EPB42: variants seen among roughly 807,000 people sequenced by gnomAD.
EPB42 encodes protein 4.2.
A neutral mutation model predicts 76.9 loss-of-function variants in EPB42; 49 were observed. That is an observed-to-expected ratio of 0.64 (90% confidence interval 0.51 to 0.81). The LOEUF (loss-of-function observed/expected upper bound fraction) is 0.81. Ranked by LOEUF, EPB42 falls within the 30% of genes least tolerant of loss-of-function variation. EPB42 has a pLI of 0.00. For missense variants in EPB42, 731 were observed against 867.6 expected (o/e 0.84, Z 1.98); for synonymous variants, 310 against 338.4 (o/e 0.92, Z 0.92).
At chr15:43,212,379 AAAAAAAAG>A (rs1476233488) in intron 3 of EPB42, among the ~76,000 whole-genome samples, 2 of 149,648 alleles carry the variant, frequency 1.3e-5, no homozygotes, top group Middle Eastern at 3.4e-3. Flanking sequence ...CAAAAAAAAA[AAAAAAAAG>A]AAAAAAGAAA....
chr15:43,208,822 C>A, intron 6 of EPB42, 47 bp from the exon 7 acceptor site: 1 of 1,599,264 alleles, frequency 6.3e-7, no homozygotes, highest in Admixed American at 1.7e-5. Flanking sequence ...AGAGACCGGG[C>A]TGGGGGCGTG....
chr15:43,205,785 T>TA (rs1468249698), intron 10 of EPB42, among the ~76,000 whole-genome samples: 1 of 152,120 alleles, frequency 6.6e-6, no homozygotes, highest in African/African-American at 2.4e-5. Flanking sequence ...CAGCAAAATT[T>TA]AAAAACAATT....
intron 7 of EPB42, 45 bp from the exon 8 acceptor site, chr15:43,208,378 T>C: frequency 6.3e-7 from 1 of 1,588,110 alleles, no homozygotes; most frequent in Non-Finnish European, 8.6e-7. Context: ...AGAAAACGAG[T>C]GCTGAAGAGG....
intron 8 of EPB42, among the ~76,000 whole-genome samples, chr15:43,207,996 C>G (rs568846295): frequency 1.6e-4 from 24 of 152,236 alleles, no homozygotes; most frequent in Non-Finnish European, 8.8e-5. Context: ...CCCTCACCCA[C>G]AGCTCTAAGG....
Position 43,209,215 on chromosome 15 carries a change from T to C in EPB42, c.832+59A>G, listed in dbSNP as rs1438613824. The C allele has an allele frequency of 7.5e-6, 12 of 1,596,260 alleles. 1 individual carries two copies. Among genetic ancestry groups the C allele is most frequent in the South Asian group, 3.3e-5 (3 of 90,694 alleles). On this transcript the variant is annotated intron_variant, in intron 6 of 12. Coordinates refer to ENST00000441366, the MANE Select transcript of EPB42 (RefSeq NM_001114134.2). ...TGCTTTTGGAGATGTCCTTCCCACA[T>C]GGGAGGCCAGGGAACAACCCAGGAG...
chr15:43,204,960 C>T (rs2042177374), intron 10 of EPB42, among the ~76,000 whole-genome samples: 1 of 68,420 alleles, frequency 1.5e-5, no homozygotes, highest in Non-Finnish European at 3.5e-5. Flanking sequence ...AGGCTGCCCC[C>T]TCCGCCCCCC....
chr15:43,208,504 C>T (rs2042240972), intron 7 of EPB42, 133 bp downstream of exon 7: 22 of 1,481,668 alleles, frequency 1.5e-5, no homozygotes, highest in South Asian at 1.3e-4. Flanking sequence ...TGACCATCAG[C>T]GCCGCCTCTA....
intron 5 of EPB42, 109 bp from the exon 6 acceptor site, chr15:43,209,560 C>T: frequency 1.6e-6 from 2 of 1,279,486 alleles, no homozygotes; most frequent in Non-Finnish European, 2.2e-6. Context: ...TGAACAGATC[C>T]CCAGCATTAG....
chr15:43,200,815 A>AC (rs1432615483), intron 12 of EPB42, among the ~76,000 whole-genome samples: 1 of 21,950 alleles, frequency 4.6e-5, no homozygotes, highest in African/African-American at 2.1e-4. Flanking sequence ...AGACTCCACC[A>AC]AATTTTTTTT....
chr15:43,205,250 G>C (rs1211167785), intron 10 of EPB42, among the ~76,000 whole-genome samples: 1 of 152,154 alleles, frequency 6.6e-6, no homozygotes, highest in East Asian at 1.9e-4. Flanking sequence ...CTTGGAAAGG[G>C]AAGAGTGATA....
chr15:43,218,451 C>T (rs1051589194), intron 1 of EPB42, among the ~76,000 whole-genome samples: 2 of 152,204 alleles, frequency 1.3e-5, no homozygotes, highest in Non-Finnish European at 2.9e-5. Flanking sequence ...CTGACTCCTC[C>T]TGGCAGAGGT....
intron 1 of EPB42, among the ~76,000 whole-genome samples, chr15:43,220,532 C>A (rs2042441299): frequency 6.6e-6 from 1 of 152,022 alleles, no homozygotes; most frequent in Admixed American, 6.6e-5. Context: ...CATGCTACCC[C>A]ATAACCACCC....
rs746199467 is a variant in EPB42 at position 43,197,355 on chromosome 15, T to G, written c.2023A>C (p.Asn675His). The part of the protein sequence containing the change: ...TVEVDCNMFQ[N>H]LTNYKSVTVV... ...GTGACGCTTTTATAGTTGGTTAGGT[T>G]CTGGAACATGTTGCAGTCCACTTCC... The change falls in exon 13 of 13, where the codon AAC (asparagine) becomes CAC (histidine). Residue 675 changes from asparagine (N) to histidine (H), a missense_variant. Physicochemically the swap from Asn to His is moderately conservative, Grantham distance 68. Transcript: ENST00000441366. 6 of 1,614,102 alleles carry G rather than the reference T, an allele frequency of 3.7e-6. No individual in the cohort carries two copies. Among genetic ancestry groups the G allele is most frequent in the African/African-American group, 1.3e-5 (1 of 74,934 alleles).
intron 3 of EPB42, among the ~76,000 whole-genome samples, chr15:43,213,738 T>C (rs571313050): frequency 6.6e-6 from 1 of 152,342 alleles, no homozygotes; most frequent in African/African-American, 2.4e-5. Flanking sequence ...GCCCTGCATC[T>C]ACATTCAACC....
In EPB42 at chr15:43,219,895, G is replaced by A. The variant is rs565972311; in HGVS notation, c.10+921C>T. On this transcript the variant is annotated intron_variant, in intron 1 of 12. Transcript: ENST00000441366. ...CAGGAGGCGGAGGTTGCAGTGAGCC[G>A]AGATTGCGCCACTGAACTCTAGCCT... 3.3e-5 allele frequency among the ~76,000 whole-genome samples: 5 copies of A among 150,970 alleles called. 1 individual carries two copies. The highest frequency in any genetic ancestry group is 1.2e-4 in the African/African-American group (5 of 41,030).
upstream of EPB42, chr15:43,221,043 G>C: frequency 1.7e-6 from 1 of 597,060 alleles, no homozygotes; most frequent in Non-Finnish European, 3.0e-6. Flanking sequence ...GGTATCTCCT[G>C]GACCAGTTAC....
At chr15:43,224,414 A>G (rs1443846685), upstream of EPB42, among the ~76,000 whole-genome samples, 1 of 152,222 alleles carries the variant, frequency 6.6e-6, no homozygotes, top group Non-Finnish European at 1.5e-5. Context: ...GTTTCTACCA[A>G]AACTTTAAAT....
upstream of EPB42, among the ~76,000 whole-genome samples, chr15:43,221,937 G>A (rs537440649): frequency 9.2e-5 from 14 of 151,994 alleles, no homozygotes; most frequent in East Asian, 1.9e-3. Flanking sequence ...GAGGTCAGGA[G>A]TTCGAGACCA....
At chr15:43,219,894 C>T (rs1344973763) in intron 1 of EPB42, among the ~76,000 whole-genome samples, 6 of 150,552 alleles carry the variant, frequency 4.0e-5, no homozygotes, top group Non-Finnish European at 7.4e-5. Flanking sequence ...TGCAGTGAGC[C>T]GAGATTGCGC....
Sources: gnomAD v4.1 joint callset for allele counts (sites outside exome capture counted in the v4.1 genomes callset) on GRCh38, gnomAD v4.1.1 for gene constraint, MANE v1.5 for transcripts, NCBI Gene and HGNC (gene_info 2026-07-23, HGNC 2026-07-21) for gene names.